ETV3: variants seen among roughly 807,000 people sequenced by gnomAD.
The protein encoded by ETV3 is ETS variant transcription factor 3, also known as ETS translocation variant 3.
Under a neutral mutation model 33.0 loss-of-function variants are expected in ETV3, and 8 were observed. The ratio of observed to expected loss-of-function variants is 0.24; its 90% CI spans 0.14 to 0.44. The LOEUF (loss-of-function observed/expected upper bound fraction) is 0.44. Ranked by LOEUF, ETV3 falls within the 20% of genes least tolerant of loss-of-function variation. The probability of loss-of-function intolerance (pLI) is 1.00; values close to 1 mark genes in which losing one functional copy is unlikely to be tolerated. For missense variants in ETV3, 473 were observed against 652.3 expected (o/e 0.73, Z 2.99); for synonymous variants, 222 against 238.9 (o/e 0.93, Z 0.65).
In ETV3 at chr1:157,123,414, T is replaced by C. The variant is rs550769192; in HGVS notation, c.*1427A>G. 13 of 152,374 alleles carry C rather than the reference T, an allele frequency of 8.5e-5. No individual in the cohort carries two copies. Among genetic ancestry groups the C allele is most frequent in the African/African-American group, 3.1e-4 (13 of 41,582 alleles). The allele number at this position is 152,374 out of a possible 1,614,324, so 9.4% of individuals were successfully genotyped here. On this transcript the variant is annotated 3_prime_UTR_variant, in exon 5 of 5. Transcript: ENST00000368192. ...ATTCCTCACTGCCTATAAACTGTAG[T>C]CTCATGTGGGATAGTCAATTGAACA... is the stretch of plus-strand genomic sequence containing the variant.
At chr1:157,133,730 G>A in intron 4 of ETV3, 1 of 1,005,636 alleles carries the variant, frequency 9.9e-7, no homozygotes, top group Non-Finnish European at 1.2e-6. Flanking sequence ...CAGAAAATCG[G>A]AAGTGTTTGT....
chr1:157,135,369 G>A (rs1675074674), intron 3 of ETV3, 102 bp downstream of exon 3: 1 of 1,347,900 alleles, frequency 7.4e-7, no homozygotes, highest in Non-Finnish European at 1.0e-6. Flanking sequence ...CACTAAGATA[G>A]TGTAGTCTTT....
chr1:157,135,340 T>C, intron 3 of ETV3, 131 bp downstream of exon 3: 1 of 1,144,456 alleles, frequency 8.7e-7, no homozygotes, highest in Non-Finnish European at 1.3e-6. Context: ...CTACTCCCAC[T>C]TTAAAGTGAC....
chr1:157,130,880 A>G (rs757340730), intron 4 of ETV3, among the ~76,000 whole-genome samples: 36 of 152,200 alleles, frequency 2.4e-4, no homozygotes, highest in Non-Finnish European at 4.3e-4. Flanking sequence ...AATTATATCA[A>G]TGTTAAACAT....
chr1:157,131,976 C>T (rs1450202850), intron 4 of ETV3, among the ~76,000 whole-genome samples: 1 of 152,200 alleles, frequency 6.6e-6, no homozygotes, highest in Non-Finnish European at 1.5e-5. Context: ...TTTCCTTGTG[C>T]TTTATTGAGA....
At position 157,122,791 on chromosome 1, in the gene ETV3, C is replaced by A. The variant is rs1252391202; in HGVS notation, c.*2050G>T. ...GTCGAAGTGCAGAGAAAGAAACTTACAAAAGCACAACCACCAAAGGCAGCC... is the reference window on the plus strand; with the variant it reads ...GTCGAAGTGCAGAGAAAGAAACTTAAAAAAGCACAACCACCAAAGGCAGCC... On this transcript the variant is annotated 3_prime_UTR_variant, in exon 5 of 5. Coordinates refer to ENST00000368192, the MANE Select transcript of ETV3 (RefSeq NM_001145312.3). 4 of 152,220 alleles carry A rather than the reference C, an allele frequency of 2.6e-5. No individual in the cohort carries two copies. The highest frequency in any genetic ancestry group is 9.7e-5 in the African/African-American group (4 of 41,432). The allele number at this position is 152,220 out of a possible 1,614,324, so 9.4% of individuals were successfully genotyped here.
chr1:157,137,246 C>G (rs1177234855), intron 1 of ETV3, among the ~76,000 whole-genome samples: 2 of 151,684 alleles, frequency 1.3e-5, no homozygotes, highest in Non-Finnish European at 2.9e-5. Context: ...GGAGGGAGGG[C>G]AGATCTACCC....
chr1:157,132,724 TAG>T (rs1371105627), intron 4 of ETV3, among the ~76,000 whole-genome samples: 2 of 150,642 alleles, frequency 1.3e-5, no homozygotes, highest in Non-Finnish European at 2.9e-5. Context: ...AGGTTGTAAT[TAG>T]AGAGATGCAT....
chr1:157,123,694 A>C lies in ETV3; in HGVS notation c.*1147T>G, dbSNP rs1319806115. 1 of 152,232 alleles carries C rather than the reference A, an allele frequency of 6.6e-6. No homozygotes were observed. Among genetic ancestry groups the C allele is most frequent in the African/African-American group, 2.4e-5 (1 of 41,456 alleles). 9.4% of individuals were successfully genotyped at this position (152,232 alleles called of 1,614,324 possible). ...CCAACAATATCAAGAGGGAATGACT[A>C]AGTATCAGCTAGAAACTTAGCCATG... is the stretch of plus-strand genomic sequence containing the variant. On this transcript the variant is annotated 3_prime_UTR_variant, in exon 5 of 5. Transcript: ENST00000368192.
chr1:157,129,963 C>A (rs1285736808), intron 4 of ETV3, among the ~76,000 whole-genome samples: 1 of 152,016 alleles, frequency 6.6e-6, no homozygotes, highest in Non-Finnish European at 1.5e-5. Context: ...TCTGCCTCAG[C>A]CTCTCAAGTA....
At chr1:157,133,754 C>T (rs1384999431) in intron 4 of ETV3, 2 of 1,022,504 alleles carry the variant, frequency 2.0e-6, no homozygotes, top group Non-Finnish European at 1.2e-6. Flanking sequence ...AACAGGTTCC[C>T]ATCTATGAAA....
At chr1:157,130,848 C>T (rs1310480984) in intron 4 of ETV3, among the ~76,000 whole-genome samples, 1 of 152,094 alleles carries the variant, frequency 6.6e-6, no homozygotes, top group Admixed American at 6.5e-5. Flanking sequence ...CATTCGAATA[C>T]GGACTATGTA....
At chr1:157,135,782 T>C (rs1473802665) in intron 2 of ETV3, 74 bp from the exon 3 acceptor site, 2 of 1,401,200 alleles carry the variant, frequency 1.4e-6, no homozygotes, top group Non-Finnish European at 2.0e-6. Context: ...CAACTGCACA[T>C]TCCACTGCTC....
chr1:157,136,930 G>GA (rs1399234458), intron 1 of ETV3, among the ~76,000 whole-genome samples: 1 of 152,122 alleles, frequency 6.6e-6, no homozygotes, highest in African/African-American at 2.4e-5. Context: ...CCTCCCCCTT[G>GA]AAAAATACCC....
intron 3 of ETV3, among the ~76,000 whole-genome samples, chr1:157,134,541 C>T (rs1219157416): frequency 3.3e-5 from 5 of 152,214 alleles, no homozygotes; most frequent in South Asian, 2.1e-4. Context: ...AGTCCATTTC[C>T]GTCCGGTTGC....
rs1674780034 is a variant in ETV3 at position 157,124,584 on chromosome 1, G to A, written c.*257C>T. ...TTGTCAGAAAGTATAAGCCTCAACA[G>A]GAAATAGAGGCTCCTTCTCCTTTGA... On this transcript the variant is annotated 3_prime_UTR_variant, in exon 5 of 5. Coordinates refer to ENST00000368192, the MANE Select transcript of ETV3 (RefSeq NM_001145312.3). 2.8e-6 allele frequency: 1 copy of A among 360,242 alleles called. No homozygotes were observed. Among genetic ancestry groups the A allele is most frequent in the African/African-American group, 2.1e-5 (1 of 47,704 alleles). 22.3% of individuals were successfully genotyped at this position (360,242 alleles called of 1,614,324 possible).
rs1674804538 is a variant in ETV3 at position 157,125,354 on chromosome 1, G to T, written c.1026C>A (p.Phe342Leu). ...CTGGTGGGGGCTGCAGCTTGATGGA[G>T]AACTGAGTTGACTCCTCAGGATGCA... ...CQMHPEESTQFSIKLQPPPVG... is the reference protein window; with the variant it reads ...CQMHPEESTQLSIKLQPPPVG... Residue 342 changes from phenylalanine (F) to leucine (L), a missense_variant, in exon 5 of 5, where the codon TTC becomes TTA. Coordinates refer to ENST00000368192, the MANE Select transcript of ETV3 (RefSeq NM_001145312.3). The surrounding 1 kb of genome is among the most constrained non-coding windows in gnomAD (Gnocchi z 4.0). 1 of 1,551,854 alleles carries T rather than the reference G, an allele frequency of 6.4e-7. No homozygotes were observed. The highest frequency in any genetic ancestry group is 1.4e-5 in the African/African-American group (1 of 73,044).
Position 157,125,619 on chromosome 1 carries a change from C to A in ETV3, c.761G>T (p.Gly254Val). ...HSPFAVSPIP[G>V]RGGVLNVPIS... is the part of the protein sequence containing the mutation. ...GGGGACATTAAGGACACCTCCGCGG[C>A]CAGGGATTGGAGAGACAGCGAAGGG... is the stretch of plus-strand genomic sequence containing the variant. Residue 254 changes from glycine to valine, a missense_variant, in exon 5 of 5, where the codon GGC becomes GTC. Gly to Val is a moderately radical substitution (Grantham distance 109). Transcript: ENST00000368192. The surrounding 1 kb of genome is among the most constrained non-coding windows in gnomAD (Gnocchi z 4.0). 6.4e-7 allele frequency: 1 copy of A among 1,551,666 alleles called. No homozygotes were observed. The highest frequency in any genetic ancestry group is 2.4e-5 in the East Asian group (1 of 40,918).
intron 4 of ETV3, among the ~76,000 whole-genome samples, chr1:157,129,938 G>A (rs1267749333): frequency 2.0e-5 from 3 of 151,942 alleles, no homozygotes; most frequent in African/African-American, 7.3e-5. Flanking sequence ...CCGCCTCCCA[G>A]GTTCAAGCAA....
Sources: allele counts gnomAD v4.1 joint callset (sites outside exome capture counted in the v4.1 genomes callset), GRCh38; gene constraint gnomAD v4.1.1; non-coding constraint Gnocchi (gnomAD v3.1); transcripts MANE v1.5; gene names NCBI Gene and HGNC (gene_info 2026-07-23, HGNC 2026-07-21).